HMCN1: variants seen among roughly 807,000 people sequenced by gnomAD.
HMCN1 encodes hemicentin-1.
HMCN1 carries 321 observed loss-of-function variants against 625.9 expected under a neutral mutation model. The ratio of observed to expected loss-of-function variants is 0.51; its 90% CI spans 0.47 to 0.56. The LOEUF (loss-of-function observed/expected upper bound fraction) is 0.56. Ranked by LOEUF, HMCN1 falls within the 20% of genes least tolerant of loss-of-function variation. The pLI, the probability that HMCN1 is intolerant of heterozygous loss-of-function variation, is 0.00. For missense variants in HMCN1, 6,588 were observed against 6,887.3 expected, an observed-to-expected ratio of 0.96 and a Z score of 1.54; for synonymous variants, 2,425 against 2,417.6, an observed-to-expected ratio of 1.00 and a Z score of -0.09.
intron 10 of HMCN1, among the ~76,000 whole-genome samples, chr1:185,933,229 A>G (rs532730963): frequency 6.6e-6 from 1 of 152,314 alleles, no homozygotes; most frequent in African/African-American, 2.4e-5. Context: ...GCTTTCATCT[A>G]TAAAAACTTT....
intron 11 of HMCN1, among the ~76,000 whole-genome samples, chr1:185,945,734 T>C (rs1030058996): frequency 1.3e-5 from 2 of 152,080 alleles, no homozygotes; most frequent in African/African-American, 4.8e-5. Context: ...TGGAGAAAAC[T>C]ACATGTGCAA....
intron 4 of HMCN1, among the ~76,000 whole-genome samples, chr1:185,896,184 C>G (rs1665482006): frequency 6.6e-6 from 1 of 152,066 alleles, no homozygotes; most frequent in Admixed American, 6.5e-5. Context: ...GATCTGCCTC[C>G]CTCGGCCTCC....
rs75815795 is a variant in HMCN1 at position 186,057,421 on chromosome 1, C to T, written c.7312+20C>T. 11 of 1,540,430 alleles carry T rather than the reference C, an allele frequency of 7.1e-6. No homozygotes were observed. In the East Asian group the frequency reaches 2.5e-4, roughly 35 times the overall value. On this transcript the variant is annotated intron_variant, in intron 46 of 106. Coordinates refer to ENST00000271588, the MANE Select transcript of HMCN1 (RefSeq NM_031935.3). ...TTTCAGGTATTAGAAATTCTGGTAG[C>T]CTTATAATCTTGTTAGCTTCATACG...
intron 1 of HMCN1, among the ~76,000 whole-genome samples, chr1:185,736,500 G>A (rs1320773208): frequency 6.6e-6 from 1 of 152,112 alleles, no homozygotes; most frequent in Non-Finnish European, 1.5e-5. Context: ...CTTCTAGATG[G>A]ATGAGTCTGA....
intron 19 of HMCN1, among the ~76,000 whole-genome samples, chr1:185,985,521 G>C (rs1192267603): frequency 6.6e-6 from 1 of 152,178 alleles, no homozygotes; most frequent in Non-Finnish European, 1.5e-5. Flanking sequence ...TTTCCTATCA[G>C]AGGGGCGAGG....
chr1:185,810,213 T>G (rs1389851774), intron 1 of HMCN1, among the ~76,000 whole-genome samples: 1 of 152,126 alleles, frequency 6.6e-6, no homozygotes, highest in Non-Finnish European at 1.5e-5. Context: ...TCATCTGTCA[T>G]TTTTTCCATT....
intron 64 of HMCN1, among the ~76,000 whole-genome samples, chr1:186,092,712 A>G (rs1659906848): frequency 6.6e-6 from 1 of 152,076 alleles, no homozygotes; most frequent in South Asian, 2.1e-4. Context: ...CACAATTTAA[A>G]TGATCCTATT....
At chr1:185,843,776 G>C (rs17507044) in intron 1 of HMCN1, among the ~76,000 whole-genome samples, 34,542 of 152,076 alleles carry the variant, frequency 0.23, 4,302 homozygotes, top group Non-Finnish European at 0.28. Context: ...CAGCTGTCCA[G>C]TTGTGGCTTG....
rs373603132 is a variant in HMCN1 at position 186,166,929 on chromosome 1, G to T, written c.15561G>T (p.Gly5187=). The T allele has an allele frequency of 3.9e-4, 622 of 1,614,096 alleles. 6 individuals are homozygous for T. In the South Asian group the frequency reaches 6.5e-3, roughly 17 times the overall value. The part of the protein sequence containing the change: ...CGSGFRRTSD[G]LSCQDINECQ... The stretch of plus-strand genomic sequence containing the variant: ...GTGGCTTTCGAAGAACCTCTGATGG[G>T]CTGAGTTGTCAAGGTATAAAAATGG... Residue 5187 remains glycine (G), a synonymous_variant, in exon 100 of 107, where the codon GGG becomes GGT. Coordinates refer to ENST00000271588, the MANE Select transcript of HMCN1 (RefSeq NM_031935.3).
At chr1:185,885,315 A>G (rs1664575131) in intron 4 of HMCN1, among the ~76,000 whole-genome samples, 1 of 152,012 alleles carries the variant, frequency 6.6e-6, no homozygotes, top group Admixed American at 6.6e-5. Flanking sequence ...GTTTGCTCAT[A>G]TAAAGGCATA....
intron 63 of HMCN1, among the ~76,000 whole-genome samples, chr1:186,089,688 C>T (rs1269706750): frequency 4.0e-5 from 6 of 151,872 alleles, no homozygotes; most frequent in Admixed American, 2.6e-4. Flanking sequence ...TTTTTATATA[C>T]TTTATTATGT....
intron 1 of HMCN1, among the ~76,000 whole-genome samples, chr1:185,802,506 T>C (rs1330399066): frequency 6.6e-6 from 1 of 152,096 alleles, no homozygotes; most frequent in Non-Finnish European, 1.5e-5. Flanking sequence ...GTAGAATCCT[T>C]ATTTGCCAGG....
chr1:185,962,598 G>C lies in HMCN1; in HGVS notation c.1909G>C (p.Gly637Arg). The C allele has an allele frequency of 6.3e-7, 1 of 1,598,612 alleles. No individual in the cohort carries two copies. The highest frequency in any genetic ancestry group is 8.6e-7 in the Non-Finnish European group (1 of 1,165,926). ...GGTCTCCATCATGTGTTCTGCAACA[G>C]GTTATCCCAAACCAAAGATTGCCTG... ...SEVSIMCSAT[G>R]YPKPKIAWTV... is the part of the protein sequence containing the mutation. Residue 637 changes from glycine (G) to arginine (R), a missense_variant, in exon 12 of 107, where the codon GGT becomes CGT. Physicochemically the swap from Gly to Arg is moderately radical, Grantham distance 125. Around this residue, in one of 3 missense-constraint regions of HMCN1, gnomAD observed 4,628 missense variants for 4,853.1 expected, o/e 0.95. Transcript: ENST00000271588.
chr1:185,813,471 T>C (rs540039710), intron 1 of HMCN1, among the ~76,000 whole-genome samples: 6 of 152,252 alleles, frequency 3.9e-5, no homozygotes, highest in African/African-American at 1.4e-4. Context: ...TCTTGTAAAA[T>C]ATACTGCTGT....
intron 15 of HMCN1, among the ~76,000 whole-genome samples, chr1:185,975,475 C>G (rs1226154555): frequency 1.3e-5 from 2 of 152,064 alleles, no homozygotes; most frequent in Non-Finnish European, 2.9e-5. Context: ...AATTCACTCA[C>G]TATCCCGAGA....
Position 186,003,794 on chromosome 1 carries a change from C to A in HMCN1, c.4425C>A (p.Cys1475Ter), listed in dbSNP as rs764692919. Reference protein sequence around the residue: ...VVLNRDVALECQVKGTPFPDI... With the variant: ...VVLNRDVALE The stretch of plus-strand genomic sequence containing the variant: ...TCAACCGTGACGTCGCCCTTGAATG[C>A]CAGGTCAAAGGCACTCCCTTTCCTG... Residue 1475 changes from cysteine (C) to a stop codon, truncating the protein, a stop_gained, in exon 29 of 107, where the codon TGC (cysteine) becomes TGA (stop). Transcript: ENST00000271588. LOFTEE classifies it high-confidence loss of function. The A allele has an allele frequency of 8.7e-6, 14 of 1,612,628 alleles. No individual in the cohort carries two copies. The highest frequency in any genetic ancestry group is 1.1e-5 in the Non-Finnish European group (13 of 1,178,844).
At chr1:186,046,432 G>A (rs1166916566) in intron 41 of HMCN1, among the ~76,000 whole-genome samples, 1 of 151,692 alleles carries the variant, frequency 6.6e-6, no homozygotes, top group Non-Finnish European at 1.5e-5. Flanking sequence ...TCACACCACT[G>A]CACTCCAGCC....
chr1:186,129,164 G>A (rs532309988), intron 83 of HMCN1, among the ~76,000 whole-genome samples: 46 of 150,174 alleles, frequency 3.1e-4, no homozygotes, highest in Non-Finnish European at 5.6e-4. Flanking sequence ...TACTTTTAAA[G>A]CTTAATTTTC....
rs760703586 is a variant in HMCN1 at position 186,015,250 on chromosome 1, T to C, written c.4722T>C (p.Leu1574=). ...AACTGGAATGTGAAACACGGGGACT[T>C]CCAATGCCTGCCATTACTTGGTATA... ...LIKLECETRG[L]PMPAITWYKD... is the part of the protein sequence containing the mutation. Residue 1574 remains leucine, a synonymous_variant, in exon 31 of 107, where the codon CTT becomes CTC. Transcript: ENST00000271588. 6.2e-7 allele frequency: 1 copy of C among 1,613,762 alleles called. No homozygotes were observed. The highest frequency in any genetic ancestry group is 1.1e-5 in the South Asian group (1 of 91,080).
Sources: allele counts gnomAD v4.1 joint callset (sites outside exome capture counted in the v4.1 genomes callset), GRCh38; gene constraint gnomAD v4.1.1; regional missense constraint gnomAD v4.1.1; transcripts MANE v1.5; gene names NCBI Gene and HGNC (gene_info 2026-07-23, HGNC 2026-07-21).